TMIE: variants seen among roughly 807,000 people sequenced by gnomAD.
TMIE encodes the protein transmembrane inner ear expressed protein.
A neutral mutation model predicts 16.8 loss-of-function variants in TMIE; 14 were observed. That is an observed-to-expected ratio of 0.83 (90% CI 0.55 to 1.30). TMIE has a LOEUF of 1.30. TMIE is among the 50% of genes most tolerant of loss of function. The pLI is 0.00. For missense variants in TMIE, 204 were observed against 205.9 expected (o/e 0.99, Z 0.06); for synonymous variants, 75 against 87.2 (o/e 0.86, Z 0.78).
At chr3:46,706,031 C>T (rs994884751) in intron 2 of TMIE, 124 bp downstream of exon 2, 6 of 1,029,050 alleles carry the variant, frequency 5.8e-6, no homozygotes, top group East Asian at 4.8e-5. Flanking sequence ...GCAGGAGACC[C>T]GCGGTGGTTT....
At position 46,709,801 on chromosome 3, in the gene TMIE, GGAAGCT is replaced by G; in HGVS notation, c.*116_*121del. The G allele has an allele frequency of 6.4e-7, 1 of 1,572,924 alleles. No homozygotes were observed. Among genetic ancestry groups the G allele is most frequent in the South Asian group, 1.2e-5 (1 of 86,370 alleles). On this transcript the variant is annotated 3_prime_UTR_variant, in exon 4 of 4. Transcript: ENST00000643606. ...GACCACAGAGGCTGTGGTCAGAGAG[GGAAGCT>G]GAGGCCCATGGCCACATCCTCATGG...
upstream of TMIE, among the ~76,000 whole-genome samples, chr3:46,701,096 C>T (rs1700466536): frequency 6.6e-6 from 1 of 151,548 alleles, no homozygotes; most frequent in Admixed American, 6.6e-5. The surrounding 1 kb of genome is among the most constrained non-coding windows in gnomAD (Gnocchi z 4.3). Context: ...GGAAGGGCCT[C>T]CTAGATCAGC....
chr3:46,697,484 T>G (rs1056713201), upstream of TMIE, among the ~76,000 whole-genome samples: 2 of 151,930 alleles, frequency 1.3e-5, no homozygotes, highest in Admixed American at 6.6e-5. Flanking sequence ...CAGGAGGGCA[T>G]GGAAGCTCCA....
chr3:46,694,235 G>A (rs1007994376), upstream of TMIE, among the ~76,000 whole-genome samples: 1 of 152,214 alleles, frequency 6.6e-6, no homozygotes, highest in Non-Finnish European at 1.5e-5. Flanking sequence ...GCGACCTTGG[G>A]GAAGTCCCCT....
chr3:46,700,417 G>A (rs1224699184), upstream of TMIE, among the ~76,000 whole-genome samples: 2 of 152,194 alleles, frequency 1.3e-5, no homozygotes, highest in African/African-American at 4.8e-5. Context: ...TCTCAGGGCA[G>A]GCCTTGCTGG....
At chr3:46,699,610 C>T (rs999647120), upstream of TMIE, among the ~76,000 whole-genome samples, 3 of 152,200 alleles carry the variant, frequency 2.0e-5, no homozygotes, top group East Asian at 1.9e-4. Context: ...CAGCTGTGTT[C>T]AGGAGTCTGC....
upstream of TMIE, among the ~76,000 whole-genome samples, chr3:46,698,819 T>TTTTTC (rs1164110566): frequency 2.0e-5 from 3 of 152,054 alleles, no homozygotes; most frequent in East Asian, 1.9e-4. Context: ...CCTAAGTTTC[T>TTTTTC]TTTTCTTTTC....
rs892395828 is a variant in TMIE, at chr3:46,701,701, C to T, written c.93+121C>T. ...TCCCTTACTCTTGCCCTGAGAGATCCAGTCTCCCGGGCGATGCAGCCCTGC... is the reference window on the plus strand; with the variant it reads ...TCCCTTACTCTTGCCCTGAGAGATCTAGTCTCCCGGGCGATGCAGCCCTGC... On this transcript the variant is annotated intron_variant, in intron 1 of 3. Transcript: ENST00000643606. This position sits in a 1 kb window ranked among gnomAD's most constrained non-coding sequence, Gnocchi z 4.3. 4 of 836,568 alleles carry T rather than the reference C, an allele frequency of 4.8e-6. No homozygotes were observed. The highest frequency in any genetic ancestry group is 4.3e-5 in the Admixed American group (1 of 22,998). 51.8% of individuals were successfully genotyped at this position (836,568 alleles called of 1,614,324 possible).
chr3:46,706,718 T>C (rs1050629577), intron 2 of TMIE, among the ~76,000 whole-genome samples: 1 of 151,202 alleles, frequency 6.6e-6, no homozygotes, highest in Non-Finnish European at 1.5e-5. Context: ...GGAGGGTAGG[T>C]GGGGTTTTGC....
upstream of TMIE, among the ~76,000 whole-genome samples, chr3:46,697,659 A>G (rs1257909612): frequency 1.3e-5 from 2 of 152,138 alleles, no homozygotes; most frequent in East Asian, 1.9e-4. Context: ...GCGTGAAGCC[A>G]GTTGGTCAGA....
intron 2 of TMIE, among the ~76,000 whole-genome samples, chr3:46,706,360 G>A (rs150303025): frequency 8.5e-5 from 13 of 152,276 alleles, no homozygotes; most frequent in East Asian, 1.9e-4. Context: ...ACCATTTTCC[G>A]GGAGTGACTC....
At chr3:46,707,049 C>G (rs952063310) in intron 2 of TMIE, among the ~76,000 whole-genome samples, 6 of 152,236 alleles carry the variant, frequency 3.9e-5, no homozygotes, top group Admixed American at 6.5e-5. Flanking sequence ...TCCCCGCCCC[C>G]CATCTGAGCA....
chr3:46,709,478 A>C, intron 3 of TMIE, 101 bp from the exon 4 acceptor site: 1 of 1,610,968 alleles, frequency 6.2e-7, no homozygotes, highest in Non-Finnish European at 8.5e-7. Flanking sequence ...AGGAAGAAAA[A>C]GGCAGAGTGT....
Position 46,705,807 on chromosome 3 carries a change from C to G in TMIE, c.111C>G (p.Pro37=). The G allele has an allele frequency of 6.2e-7, 1 of 1,614,034 alleles. No individual in the cohort carries two copies. Residue 37 remains proline (P), a synonymous_variant, in exon 2 of 4, where the codon CCC becomes CCG. Coordinates refer to ENST00000643606, the MANE Select transcript of TMIE (RefSeq NM_147196.3). Reference sequence around the variant, plus strand: ...ACCCACAGCCCAGCACGGCCCCACCCAAGCCCAAGCCGCCTCCGCTGACCA... The same window carrying G: ...ACCCACAGCCCAGCACGGCCCCACCGAAGCCCAAGCCGCCTCCGCTGACCA... ...GQLVEPSTAP[P]KPKPPPLTKE...
intron 2 of TMIE, 58 bp downstream of exon 2, chr3:46,705,965 G>GC: frequency 5.2e-6 from 8 of 1,545,678 alleles, no homozygotes; most frequent in South Asian, 1.1e-5. Context: ...AGCACCCCCT[G>GC]CCCCCCAGAG....
In TMIE at chr3:46,710,096, T is replaced by A. The variant is rs1319217187; in HGVS notation, c.*408T>A. 18 of 325,906 alleles carry A rather than the reference T, an allele frequency of 5.5e-5. No homozygotes were observed. The highest frequency in any genetic ancestry group is 9.6e-5 in the Non-Finnish European group (16 of 165,876). 20.2% of individuals were successfully genotyped at this position (325,906 alleles called of 1,614,324 possible). A position where few individuals can be genotyped will look rare whatever the true frequency, so the allele number is the denominator to read the frequency against. ...GCACGAAATGGCTGAAGTGCATGGG[T>A]CAGGGTGTGAGGCCACACCCAGAGT... On this transcript the variant is annotated 3_prime_UTR_variant, in exon 4 of 4. Coordinates refer to ENST00000643606, the MANE Select transcript of TMIE (RefSeq NM_147196.3).
Position 46,705,968 on chromosome 3 carries a change from C to G in TMIE, c.211+61C>G, listed in dbSNP as rs573611183. The stretch of plus-strand genomic sequence containing the variant: ...CAGTGGGAACACAGCACCCCCTGCC[C>G]CCCAGAGGGCTCAGAGCAGCAATTC... On this transcript the variant is annotated intron_variant, in intron 2 of 3. Coordinates refer to ENST00000643606, the MANE Select transcript of TMIE (RefSeq NM_147196.3). 5 of 1,517,132 alleles carry G rather than the reference C, an allele frequency of 3.3e-6. No individual in the cohort carries two copies. The East Asian group carries it at 1.1e-4, about 34-fold the overall frequency. The allele number at this position is 1,517,132 out of a possible 1,614,324, so 94.0% of individuals were successfully genotyped here. A position where few individuals can be genotyped will look rare whatever the true frequency, so the allele number is the denominator to read the frequency against.
intron 1 of TMIE, among the ~76,000 whole-genome samples, chr3:46,703,189 C>T (rs1226194129): frequency 6.6e-6 from 1 of 152,168 alleles, no homozygotes; most frequent in African/African-American, 2.4e-5. Context: ...TCCATCAGCC[C>T]GTGAGGCTCT....
At chr3:46,704,955 C>G (rs926824332) in intron 1 of TMIE, among the ~76,000 whole-genome samples, 3 of 152,158 alleles carry the variant, frequency 2.0e-5, no homozygotes, top group African/African-American at 7.2e-5. Flanking sequence ...GTCCCCTAGA[C>G]ACCCAGGAGA....
Sources: gnomAD v4.1 joint callset for allele counts (sites outside exome capture counted in the v4.1 genomes callset) on GRCh38, gnomAD v4.1.1 for gene constraint, Gnocchi (gnomAD v3.1) non-coding constraint, MANE v1.5 for transcripts, NCBI Gene and HGNC (gene_info 2026-07-23, HGNC 2026-07-21) for gene names.